The following TNFRSF19 variants were observed in gnomAD, a reference collection of about 807,000 sequenced individuals.
The protein encoded by TNFRSF19 is TNF receptor superfamily member 19.
TNFRSF19 carries 27 observed loss-of-function variants against 46.4 expected under a neutral mutation model. That is an observed-to-expected ratio of 0.58 (90% CI 0.43 to 0.80). TNFRSF19 has a LOEUF of 0.80. Ranked by LOEUF, TNFRSF19 falls within the 30% of genes least tolerant of loss-of-function variation. TNFRSF19 has a pLI of 0.00. For missense variants in TNFRSF19, 511 were observed against 530.8 expected, an observed-to-expected ratio of 0.96 and a Z score of 0.37; for synonymous variants, 204 against 205.0, an observed-to-expected ratio of 1.00 and a Z score of 0.04.
rs373564874 is a variant in TNFRSF19 at position 23,648,357 on chromosome 13, G to A, written c.446-10693G>A. 4.0e-4 allele frequency among the ~76,000 whole-genome samples: 61 copies of A among 152,068 alleles called. 1 individual carries two copies. The East Asian group carries it at 6.7e-3, about 17-fold the overall frequency. On this transcript the variant is annotated intron_variant, in intron 5 of 9. Transcript: ENST00000248484. Reference sequence around the variant, plus strand: ...TTAGTCTTTTTGATATTTTGTAAACGGAATTATTTTCTTAATCTGCTTCTT... The same window carrying A: ...TTAGTCTTTTTGATATTTTGTAAACAGAATTATTTTCTTAATCTGCTTCTT...
chr13:23,594,696 C>T (rs147807560), intron 3 of TNFRSF19, among the ~76,000 whole-genome samples: 1,527 of 152,362 alleles, frequency 0.01, 30 homozygotes, highest in African/African-American at 0.035. Flanking sequence ...CTTCAGCAGA[C>T]TTAAACGTTC....
At chr13:23,590,343 T>C in intron 2 of TNFRSF19, 91 bp downstream of exon 2, 1 of 817,482 alleles carries the variant, frequency 1.2e-6, no homozygotes, top group South Asian at 1.9e-5. Flanking sequence ...TTTTATTTTT[T>C]ATTTTTTTTG....
intron 4 of TNFRSF19, among the ~76,000 whole-genome samples, chr13:23,621,593 A>T (rs1457920623): frequency 1.3e-5 from 2 of 152,226 alleles, no homozygotes; most frequent in Non-Finnish European, 2.9e-5. Context: ...TGATTGAAGA[A>T]TTAGCAGTCT....
Position 23,593,331 on chromosome 13 carries a change from A to ATT in TNFRSF19, c.70-5_70-4dup. Reference sequence around the variant, plus strand: ...ATACTTTAAGATAACATTTTGTTAAATTTTTTTTTTCAGTCATGTAAAGTG... The same window carrying ATT: ...ATACTTTAAGATAACATTTTGTTAAATTTTTTTTTTTTCAGTCATGTAAAGTG... On this transcript the variant is annotated splice_polypyrimidine_tract_variant and intron_variant, in intron 2 of 9. Coordinates refer to ENST00000248484, the MANE Select transcript of TNFRSF19 (RefSeq NM_148957.4). 1.8e-5 allele frequency: 24 copies of ATT among 1,370,180 alleles called. No homozygotes were observed. The highest frequency in any genetic ancestry group is 4.9e-5 in the Admixed American group (2 of 40,442). The allele number at this position is 1,370,180 out of a possible 1,614,324, so 84.9% of individuals were successfully genotyped here. A position where few individuals can be genotyped will look rare whatever the true frequency, so the allele number is the denominator to read the frequency against.
chr13:23,642,164 T>A (rs897765523), intron 5 of TNFRSF19, among the ~76,000 whole-genome samples: 8 of 152,352 alleles, frequency 5.3e-5, no homozygotes, highest in Non-Finnish European at 8.8e-5. Context: ...TTTGGTTTGT[T>A]TTTAATCATT....
chr13:23,599,517 C>G (rs1049217851), intron 3 of TNFRSF19, among the ~76,000 whole-genome samples: 7 of 152,080 alleles, frequency 4.6e-5, no homozygotes, highest in Non-Finnish European at 8.8e-5. Context: ...GGCAGGACAA[C>G]TGGGAGTGGG....
At chr13:23,664,052 T>A (rs192523844) in intron 7 of TNFRSF19, among the ~76,000 whole-genome samples, 6 of 152,224 alleles carry the variant, frequency 3.9e-5, no homozygotes, top group Admixed American at 3.3e-4. Context: ...AGGGGTGAGG[T>A]AATTTGTTCT....
chr13:23,595,404 G>A (rs1213824753), intron 3 of TNFRSF19, among the ~76,000 whole-genome samples: 1 of 152,176 alleles, frequency 6.6e-6, no homozygotes, highest in Non-Finnish European at 1.5e-5. Context: ...CCAGTTTAGA[G>A]AAGAACATAA....
At chr13:23,626,187 C>CTGTGTGTGTG (rs35509472) in intron 4 of TNFRSF19, among the ~76,000 whole-genome samples, 3,925 of 145,490 alleles carry the variant, frequency 0.027, 97 homozygotes, top group African/African-American at 0.056. Flanking sequence ...TCTTTAAAAT[C>CTGTGTGTGTG]TGTGTGTGTG....
intron 7 of TNFRSF19, among the ~76,000 whole-genome samples, chr13:23,660,982 A>AG (rs1410728860): frequency 2.0e-5 from 3 of 152,246 alleles, no homozygotes; most frequent in Non-Finnish European, 4.4e-5. Context: ...TTGAAAGTTT[A>AG]GGAAAGTAAT....
Position 23,667,963 on chromosome 13 carries a change from T to C in TNFRSF19, c.737-17T>C, listed in dbSNP as rs1411058853. ...AGAAGGAGGCACTGTGCTTCACACC[T>C]GTGCTGTCTTCCCTAGGGCCGGTGC... On this transcript the variant is annotated splice_polypyrimidine_tract_variant and intron_variant, in intron 7 of 9. Coordinates refer to ENST00000248484, the MANE Select transcript of TNFRSF19 (RefSeq NM_148957.4). 3 of 1,584,988 alleles carry C rather than the reference T, an allele frequency of 1.9e-6. No individual in the cohort carries two copies. The highest frequency in any genetic ancestry group is 3.6e-5 in the Admixed American group (2 of 55,680).
At chr13:23,617,545 C>G (rs1881386435) in intron 4 of TNFRSF19, among the ~76,000 whole-genome samples, 1 of 152,140 alleles carries the variant, frequency 6.6e-6, no homozygotes, top group Non-Finnish European at 1.5e-5. Context: ...AGCAGAATAT[C>G]CTTAGAGCTT....
At chr13:23,591,237 G>T (rs2138182299) in intron 2 of TNFRSF19, among the ~76,000 whole-genome samples, 1 of 152,292 alleles carries the variant, frequency 6.6e-6, no homozygotes, top group Non-Finnish European at 1.5e-5. Context: ...TGGATCATTT[G>T]AGGTGAGGAG....
At chr13:23,631,797 A>G (rs1221561804) in intron 5 of TNFRSF19, among the ~76,000 whole-genome samples, 1 of 152,190 alleles carries the variant, frequency 6.6e-6, no homozygotes, top group Non-Finnish European at 1.5e-5. Flanking sequence ...CTCGTGTTGA[A>G]TTCCAAGTTG....
In TNFRSF19 at chr13:23,675,544, T is replaced by C. The variant is rs1417759689; in HGVS notation, c.*2164T>C. On this transcript the variant is annotated 3_prime_UTR_variant, in exon 10 of 10. Transcript: ENST00000248484. ...AAATCCTGGGTAACTTTTATCAAGA[T>C]GAAGACATTTTACCCTACCTACTCT... is the stretch of plus-strand genomic sequence containing the variant. 1 of 152,224 alleles carries C rather than the reference T, an allele frequency of 6.6e-6. No individual in the cohort carries two copies. The highest frequency in any genetic ancestry group is 1.5e-5 in the Non-Finnish European group (1 of 68,030). The allele number at this position is 152,224 out of a possible 1,614,324, so 9.4% of individuals were successfully genotyped here.
intron 5 of TNFRSF19, among the ~76,000 whole-genome samples, chr13:23,656,716 G>A (rs1319425533): frequency 6.6e-6 from 1 of 152,110 alleles, no homozygotes; most frequent in Non-Finnish European, 1.5e-5. Context: ...TGAAGTGAAC[G>A]CCTTCCTCAC....
Position 23,673,626 on chromosome 13 carries a change from C to A in TNFRSF19, c.*246C>A. On this transcript the variant is annotated 3_prime_UTR_variant, in exon 10 of 10. Coordinates refer to ENST00000248484, the MANE Select transcript of TNFRSF19 (RefSeq NM_148957.4). ...CTCATGATACTCTGCATCTTTCCTA[C>A]ATGAGAAGCTTCTCTGCCACAAAAG... The A allele has an allele frequency of 1.7e-6, 2 of 1,147,674 alleles. No individual in the cohort carries two copies. The highest frequency in any genetic ancestry group is 2.2e-6 in the Non-Finnish European group (2 of 914,384). 71.1% of individuals were successfully genotyped at this position (1,147,674 alleles called of 1,614,324 possible).
rs150542895 is a variant in TNFRSF19 at position 23,674,280 on chromosome 13, T to C, written c.*900T>C. 2 of 152,236 alleles carry C rather than the reference T, an allele frequency of 1.3e-5. No homozygotes were observed. Among genetic ancestry groups the C allele is most frequent in the African/African-American group, 4.8e-5 (2 of 41,462 alleles). 9.4% of individuals were successfully genotyped at this position (152,236 alleles called of 1,614,324 possible). On this transcript the variant is annotated 3_prime_UTR_variant, in exon 10 of 10. Transcript: ENST00000248484. Reference sequence around the variant, plus strand: ...AACATAAATGACCTTTTACTTGCATTGTATCTTATACTAAAGGCTTTAGAA... The same window carrying C: ...AACATAAATGACCTTTTACTTGCATCGTATCTTATACTAAAGGCTTTAGAA...
At chr13:23,612,691 T>A (rs991998048) in intron 3 of TNFRSF19, among the ~76,000 whole-genome samples, 1 of 152,264 alleles carries the variant, frequency 6.6e-6, no homozygotes, top group Non-Finnish European at 1.5e-5. Context: ...AGAGAAAATC[T>A]ATTTTAAGTA....
Sources: allele counts gnomAD v4.1 joint callset (sites outside exome capture counted in the v4.1 genomes callset), GRCh38; gene constraint gnomAD v4.1.1; transcripts MANE v1.5; gene names NCBI Gene and HGNC (gene_info 2026-07-23, HGNC 2026-07-21).